TIAM1: variants seen among roughly 807,000 people sequenced by gnomAD.
TIAM1 encodes the protein rho guanine nucleotide exchange factor TIAM1.
In TIAM1, 65 loss-of-function variants were observed where a neutral mutation model predicts 163.5. That is an observed-to-expected ratio of 0.40 (90% confidence interval 0.33 to 0.49). The LOEUF is 0.49. Among genes scored for constraint, TIAM1 ranks in the 20% least tolerant of loss-of-function variants. TIAM1 has a pLI of 0.77. For synonymous variants in TIAM1, 833 were observed against 810.1 expected (o/e 1.03, Z -0.48); for missense variants, 1,789 against 2,044.7 (o/e 0.87, Z 2.41).
At chr21:31,387,764 T>G (rs2076900761) in intron 2 of TIAM1, among the ~76,000 whole-genome samples, 1 of 151,986 alleles carries the variant, frequency 6.6e-6, no homozygotes, top group Admixed American at 6.6e-5. Flanking sequence ...TGAGCGTCAC[T>G]TGGGGAGGAG....
At chr21:31,479,369 T>TTGGATGGA (rs58755974) in intron 1 of TIAM1, among the ~76,000 whole-genome samples, 1 of 149,608 alleles carries the variant, frequency 6.7e-6, no homozygotes. Context: ...GGATGGATGA[T>TTGGATGGA]TGGATGGATG....
At chr21:31,208,121 A>C (rs1311738162) in intron 11 of TIAM1, among the ~76,000 whole-genome samples, 1 of 152,206 alleles carries the variant, frequency 6.6e-6, no homozygotes, top group Non-Finnish European at 1.5e-5. Context: ...TCTAACTGTC[A>C]ATGACAATAC....
chr21:31,514,437 G>A (rs1337381663), intron 1 of TIAM1, among the ~76,000 whole-genome samples: 1 of 151,678 alleles, frequency 6.6e-6, no homozygotes, highest in Non-Finnish European at 1.5e-5. Context: ...TTGAACTTTG[G>A]GAGGCCAAAA....
At position 31,141,129 on chromosome 21, in the gene TIAM1, C is replaced by T. The variant is rs1417780214; in HGVS notation, c.3763G>A (p.Glu1255Lys). The change falls in exon 22 of 28, where the codon GAG becomes AAG. Residue 1255 changes from glutamate (E) to lysine (K), a missense_variant. Glu to Lys is a moderately conservative substitution (Grantham distance 56). Coordinates refer to ENST00000541036, the MANE Select transcript of TIAM1 (RefSeq NM_001353694.2). The surrounding 1 kb of genome is among the most constrained non-coding windows in gnomAD (Gnocchi z 4.7). ...ATGGGGACCCTCACCTCTTTTTTCT[C>T]ACCAGTCTGTTCAGCAATCAGCTGG... The part of the protein sequence containing the change: ...FDQLIAEQTG[E>K]KKEVADLSMG... 7 of 1,612,266 alleles carry T rather than the reference C, an allele frequency of 4.3e-6. No individual in the cohort carries two copies. Among genetic ancestry groups the T allele is most frequent in the Non-Finnish European group, 5.9e-6 (7 of 1,179,288 alleles).
intron 3 of TIAM1, among the ~76,000 whole-genome samples, chr21:31,276,336 A>G (rs2073298523): frequency 6.6e-6 from 1 of 152,238 alleles, no homozygotes; most frequent in African/African-American, 2.4e-5. Flanking sequence ...TATTATTTTG[A>G]CTGTGTTTAT....
In TIAM1 at chr21:31,263,801, C is replaced by T. The variant is rs186518441; in HGVS notation, c.963+2209G>A. Among the ~76,000 whole-genome samples, 705 of 152,266 alleles carry T rather than the reference C, an allele frequency of 4.6e-3. 3 individuals carry two copies. Among genetic ancestry groups the T allele is most frequent in the African/African-American group, 0.016 (651 of 41,548 alleles). On this transcript the variant is annotated intron_variant, in intron 4 of 27. Transcript: ENST00000541036. ...CGTCACTGTATCCTTCTCTAAGCTCCGAAGGCCCCATAGATCATCTCTTTG... is the reference window on the plus strand; with the variant it reads ...CGTCACTGTATCCTTCTCTAAGCTCTGAAGGCCCCATAGATCATCTCTTTG...
At chr21:31,292,092 A>T (rs1445782031) in intron 2 of TIAM1, among the ~76,000 whole-genome samples, 1 of 152,196 alleles carries the variant, frequency 6.6e-6, no homozygotes, top group Non-Finnish European at 1.5e-5. Context: ...TGCATCTGTG[A>T]CCTTAAGCCA....
intron 2 of TIAM1, among the ~76,000 whole-genome samples, chr21:31,427,282 C>T (rs1463181171): frequency 2.6e-5 from 4 of 152,060 alleles, no homozygotes; most frequent in African/African-American, 9.7e-5. Context: ...GTCAGGGGAT[C>T]GAGACCATCC....
At chr21:31,369,174 C>T (rs1010314299) in intron 2 of TIAM1, among the ~76,000 whole-genome samples, 271 of 137,664 alleles carry the variant, frequency 2.0e-3, no homozygotes, top group African/African-American at 7.3e-3. Flanking sequence ...TGCAGTGAGC[C>T]GAGATTGTGC....
chr21:31,533,087 G>T (rs1380504681), intron 1 of TIAM1, among the ~76,000 whole-genome samples: 1 of 152,212 alleles, frequency 6.6e-6, no homozygotes, highest in Non-Finnish European at 1.5e-5. Flanking sequence ...CTGGGAGGCT[G>T]AGGTGGGCAG....
intron 1 of TIAM1, among the ~76,000 whole-genome samples, chr21:31,558,154 T>G (rs1206004427): frequency 2.1e-5 from 3 of 144,742 alleles, no homozygotes; most frequent in Non-Finnish European, 4.6e-5. Context: ...CCCACGCGGG[T>G]CCCCAGCCGG....
intron 2 of TIAM1, among the ~76,000 whole-genome samples, chr21:31,315,498 G>C (rs1438334952): frequency 2.0e-5 from 3 of 151,156 alleles, no homozygotes; most frequent in Non-Finnish European, 2.9e-5. Flanking sequence ...CTGGGCAACA[G>C]AGCAAGACTC....
At chr21:31,451,760 T>TGTGTGTGTGTGA (rs1491328799) in intron 2 of TIAM1, among the ~76,000 whole-genome samples, 5 of 138,218 alleles carry the variant, frequency 3.6e-5, no homozygotes, top group African/African-American at 1.2e-4. Flanking sequence ...TGTGTGTGTG[T>TGTGTGTGTGTGA]GAGACACAGA....
intron 2 of TIAM1, among the ~76,000 whole-genome samples, chr21:31,295,330 C>T (rs557134411): frequency 6.6e-4 from 100 of 152,092 alleles, no homozygotes; most frequent in Admixed American, 1.4e-3. Context: ...ATTAGTTGGG[C>T]GTGGTGGCAG....
chr21:31,490,319 A>G (rs1453505194), intron 1 of TIAM1, among the ~76,000 whole-genome samples: 4 of 152,214 alleles, frequency 2.6e-5, no homozygotes, highest in Non-Finnish European at 4.4e-5. Flanking sequence ...AAGAATCTCT[A>G]AAGTTTAAGA....
At chr21:31,308,920 G>T (rs2074819579) in intron 2 of TIAM1, among the ~76,000 whole-genome samples, 1 of 152,170 alleles carries the variant, frequency 6.6e-6, no homozygotes, top group African/African-American at 2.4e-5. Flanking sequence ...AGTTGGGGGG[G>T]TTAGTGCTGA....
intron 22 of TIAM1, 46 bp from the exon 23 acceptor site, chr21:31,136,087 T>C (rs762360847): frequency 2.7e-6 from 4 of 1,481,908 alleles, no homozygotes; most frequent in Admixed American, 1.8e-5. Context: ...GTGTTATCAA[T>C]ACTCAGATTT....
At position 31,266,974 on chromosome 21, in the gene TIAM1, G is replaced by T; in HGVS notation, c.-2C>A. ...ATGTTGACTTTCTGCGTTTCCCATG[G>T]TTTTATGGTCTGCAGCAAAGCGGGG... On this transcript the variant is annotated 5_prime_UTR_variant, in exon 4 of 28. Coordinates refer to ENST00000541036, the MANE Select transcript of TIAM1 (RefSeq NM_001353694.2). 6.3e-7 allele frequency: 1 copy of T among 1,596,156 alleles called. No homozygotes were observed. The highest frequency in any genetic ancestry group is 2.2e-5 in the East Asian group (1 of 44,510).
At chr21:31,139,177 A>C (rs774650104) in intron 22 of TIAM1, among the ~76,000 whole-genome samples, 1 of 152,144 alleles carries the variant, frequency 6.6e-6, no homozygotes, top group South Asian at 2.1e-4. Context: ...TTTTTTTCCT[A>C]AATTCTTTGC....
Sources: gnomAD v4.1 joint callset for allele counts (sites outside exome capture counted in the v4.1 genomes callset) on GRCh38, gnomAD v4.1.1 for gene constraint, Gnocchi (gnomAD v3.1) non-coding constraint, MANE v1.5 for transcripts, NCBI Gene and HGNC (gene_info 2026-07-23, HGNC 2026-07-21) for gene names.